The following CD58 variants were observed in gnomAD, a reference collection of about 807,000 sequenced individuals.
The protein encoded by CD58 is CD58 molecule.
A neutral mutation model predicts 27.6 loss-of-function variants in CD58; 14 were observed. The observed-to-expected ratio is 0.51, with a 90% CI of 0.34 to 0.79. CD58 has a LOEUF of 0.79. CD58 is among the 30% of genes least tolerant of loss of function. CD58 has a pLI of 0.02. For missense variants in CD58, 268 were observed against 301.7 expected (o/e 0.89, Z 0.83); for synonymous variants, 117 against 103.8 (o/e 1.13, Z -0.77).
chr1:116,543,176 C>G (rs1571074770), intron 2 of CD58, among the ~76,000 whole-genome samples: 1 of 152,100 alleles, frequency 6.6e-6, no homozygotes, highest in East Asian at 1.9e-4. Flanking sequence ...AGCAAGGAAG[C>G]TAAGTGTGTC....
chr1:116,562,164 A>C (rs897198622), intron 1 of CD58, among the ~76,000 whole-genome samples: 2 of 150,044 alleles, frequency 1.3e-5, no homozygotes, highest in African/African-American at 2.5e-5. Flanking sequence ...CTTTACTATT[A>C]AAAAAAAACA....
rs985490096 is a variant in CD58, at chr1:116,559,015, G to A, written c.70+11888C>T. On this transcript the variant is annotated intron_variant, in intron 1 of 5. Transcript: ENST00000369489. The surrounding 1 kb of genome is among the most constrained non-coding windows in gnomAD (Gnocchi z 4.4). ...GCCCTCTTGGAGTCTATTTTTCAGT[G>A]GAGGGAAGAACATAATAAATGAAAA... is the stretch of plus-strand genomic sequence containing the variant. Among the ~76,000 whole-genome samples the A allele has an allele frequency of 6.6e-6, 1 of 152,190 alleles. No homozygotes were observed. The highest frequency in any genetic ancestry group is 2.4e-5 in the African/African-American group (1 of 41,432).
rs2101169659 is a variant in CD58, at chr1:116,532,146, A to G, written c.628+3819T>C. ...GTCACGAGGACAGGCTCGCGTCTTC[A>G]GCCCTGGTGGCAGGAAGCAGTGTTT... On this transcript the variant is annotated intron_variant, in intron 3 of 5. Transcript: ENST00000369489. The surrounding 1 kb of genome is among the most constrained non-coding windows in gnomAD (Gnocchi z 5.1). 6.6e-6 allele frequency among the ~76,000 whole-genome samples: 1 copy of G among 152,360 alleles called. No homozygotes were observed. The highest frequency in any genetic ancestry group is 2.4e-5 in the African/African-American group (1 of 41,584).
chr1:116,549,176 T>A (rs751129020), intron 1 of CD58, among the ~76,000 whole-genome samples: 1 of 152,162 alleles, frequency 6.6e-6, no homozygotes, highest in Admixed American at 6.5e-5. Context: ...CTTCTTAGAG[T>A]TGACATTCTA....
chr1:116,570,890 A>G lies in CD58; in HGVS notation c.70+13T>C. 6.5e-7 allele frequency: 1 copy of G among 1,548,292 alleles called. No homozygotes were observed. Among genetic ancestry groups the G allele is most frequent in the Non-Finnish European group, 8.7e-7 (1 of 1,151,356 alleles). ...CCGGCCGGCGCGGGGCCCCTGGGGC[A>G]GGCTTCACTCACCAAAGCAGTGCAG... On this transcript the variant is annotated intron_variant, in intron 1 of 5. Coordinates refer to ENST00000369489, the MANE Select transcript of CD58 (RefSeq NM_001779.3). This position sits in a 1 kb window ranked among gnomAD's most constrained non-coding sequence, Gnocchi z 6.4.
chr1:116,517,055 G>A lies in CD58; in HGVS notation c.743+2176C>T, dbSNP rs924739912. On this transcript the variant is annotated intron_variant, in intron 5 of 5. Coordinates refer to ENST00000369489, the MANE Select transcript of CD58 (RefSeq NM_001779.3). This position sits in a 1 kb window ranked among gnomAD's most constrained non-coding sequence, Gnocchi z 6.5. ...TCCAGAATGCCCATCCCCTTTCCCC[G>A]TGGCCCTGGATGATGCCCCCCTACC... Among the ~76,000 whole-genome samples the A allele has an allele frequency of 4.0e-5, 6 of 151,710 alleles. No homozygotes were observed. Among genetic ancestry groups the A allele is most frequent in the East Asian group, 1.9e-4 (1 of 5,162 alleles).
intron 1 of CD58, among the ~76,000 whole-genome samples, chr1:116,569,936 C>T (rs542771905): frequency 7.9e-5 from 12 of 152,260 alleles, no homozygotes; most frequent in Non-Finnish European, 1.8e-4. Flanking sequence ...TCTGATCGTG[C>T]GGGTACTTTT....
rs1431898382 is a variant in CD58 at position 116,514,800 on chromosome 1, C to T, written c.*13G>A. On this transcript the variant is annotated 3_prime_UTR_variant, in exon 6 of 6. Transcript: ENST00000369489. ...AATTTAGTTATGCTGTTGTCTTCAT[C>T]TTCTGTTACCAATCAATTGGAGCTA... is the stretch of plus-strand genomic sequence containing the variant. The T allele has an allele frequency of 6.6e-7, 1 of 1,516,142 alleles. No homozygotes were observed. Among genetic ancestry groups the T allele is most frequent in the Admixed American group, 1.7e-5 (1 of 57,480 alleles). 93.9% of individuals were successfully genotyped at this position (1,516,142 alleles called of 1,614,324 possible).
chr1:116,542,938 G>T (rs1311452238), intron 2 of CD58, among the ~76,000 whole-genome samples: 1 of 152,154 alleles, frequency 6.6e-6, no homozygotes, highest in Non-Finnish European at 1.5e-5. Flanking sequence ...AGAGAAGGAG[G>T]TATTCAAGAT....
At position 116,540,787 on chromosome 1, in the gene CD58, T is replaced by C. The variant is rs568461101; in HGVS notation, c.364+3524A>G. Among the ~76,000 whole-genome samples the C allele has an allele frequency of 3.9e-5, 6 of 152,242 alleles. No individual in the cohort carries two copies. In the East Asian group the frequency reaches 1.2e-3, roughly 29 times the overall value. Reference sequence around the variant, plus strand: ...AAACCATACCTTTGCTGAGGTGCCATAGAATATTTTATTTAATTAATTTAT... The same window carrying C: ...AAACCATACCTTTGCTGAGGTGCCACAGAATATTTTATTTAATTAATTTAT... On this transcript the variant is annotated intron_variant, in intron 2 of 5. Coordinates refer to ENST00000369489, the MANE Select transcript of CD58 (RefSeq NM_001779.3).
At chr1:116,526,003 A>C (rs148415863) in intron 3 of CD58, among the ~76,000 whole-genome samples, 1 of 152,092 alleles carries the variant, frequency 6.6e-6, no homozygotes, top group African/African-American at 2.4e-5. Context: ...TCCTTGGAGA[A>C]GTGTGTGATG....
Position 116,515,910 on chromosome 1 carries a change from T to C in CD58, c.744-1088A>G, listed in dbSNP as rs766327577. Among the ~76,000 whole-genome samples, 4 of 152,192 alleles carry C rather than the reference T, an allele frequency of 2.6e-5. No homozygotes were observed. The highest frequency in any genetic ancestry group is 5.9e-5 in the Non-Finnish European group (4 of 68,030). On this transcript the variant is annotated intron_variant, in intron 5 of 5. Coordinates refer to ENST00000369489, the MANE Select transcript of CD58 (RefSeq NM_001779.3). This position sits in a 1 kb window ranked among gnomAD's most constrained non-coding sequence, Gnocchi z 4.6. ...CTCATCTGTCCTCTGTTGTTCCTAA[T>C]TGGGTTTAGTTCTTCCTGCTCCTGC...
chr1:116,520,953 G>T (rs1171615904), intron 4 of CD58, among the ~76,000 whole-genome samples: 1 of 152,146 alleles, frequency 6.6e-6, no homozygotes, highest in Non-Finnish European at 1.5e-5. Context: ...AAAACTTTCT[G>T]CAATGATAGG....
rs1438215014 is a variant in CD58, at chr1:116,514,842, T to G, written c.744-20A>C. Reference sequence around the variant, plus strand: ...TTGGAGCTACAAAAAAAAATCATATTATTAACTTGTAAAATGCAGTAAATC... The same window carrying G: ...TTGGAGCTACAAAAAAAAATCATATGATTAACTTGTAAAATGCAGTAAATC... On this transcript the variant is annotated intron_variant, in intron 5 of 5. Coordinates refer to ENST00000369489, the MANE Select transcript of CD58 (RefSeq NM_001779.3). 1 of 1,543,320 alleles carries G rather than the reference T, an allele frequency of 6.5e-7. No individual in the cohort carries two copies. The highest frequency in any genetic ancestry group is 1.4e-5 in the African/African-American group (1 of 73,340).
intron 1 of CD58, among the ~76,000 whole-genome samples, chr1:116,553,198 A>G (rs1658450636): frequency 6.6e-6 from 1 of 151,624 alleles, no homozygotes; most frequent in Non-Finnish European, 1.5e-5. Flanking sequence ...GGCTCCTTAT[A>G]TGTTATATAT....
intron 3 of CD58, among the ~76,000 whole-genome samples, chr1:116,526,292 C>G (rs1446129846): frequency 1.3e-5 from 2 of 152,060 alleles, no homozygotes; most frequent in Non-Finnish European, 2.9e-5. Context: ...TAGGTTTTCT[C>G]TTATGTTTTA....
At chr1:116,544,224 A>G in intron 2 of CD58, 87 bp downstream of exon 2, 1 of 882,226 alleles carries the variant, frequency 1.1e-6, no homozygotes, top group Non-Finnish European at 1.8e-6. Context: ...CTTTTCTCAT[A>G]GACCATTAAT....
chr1:116,529,012 C>T lies in CD58; in HGVS notation c.628+6953G>A, dbSNP rs149138856. ...ATAACAACTAGCAGTTTTATAGTGACTAACCATCAATACTCTTTCCCACAT... is the reference window on the plus strand; with the variant it reads ...ATAACAACTAGCAGTTTTATAGTGATTAACCATCAATACTCTTTCCCACAT... On this transcript the variant is annotated intron_variant, in intron 3 of 5. Transcript: ENST00000369489. Among the ~76,000 whole-genome samples the T allele has an allele frequency of 2.2e-3, 328 of 152,306 alleles. 2 individuals carry two copies. The highest frequency in any genetic ancestry group is 7.6e-3 in the African/African-American group (314 of 41,558).
chr1:116,566,134 C>T (rs1658924318), intron 1 of CD58, among the ~76,000 whole-genome samples: 1 of 152,078 alleles, frequency 6.6e-6, no homozygotes, highest in Non-Finnish European at 1.5e-5. Flanking sequence ...TTAAGTCGAA[C>T]CATTGCTAAG....
Sources: allele counts gnomAD v4.1 joint callset (sites outside exome capture counted in the v4.1 genomes callset), GRCh38; gene constraint gnomAD v4.1.1; non-coding constraint Gnocchi (gnomAD v3.1); transcripts MANE v1.5; gene names NCBI Gene and HGNC (gene_info 2026-07-23, HGNC 2026-07-21).